Variants in ATXN7L1 observed in about 807,000 individuals in gnomAD.
ATXN7L1 encodes the protein ataxin-7-like protein 1.
Under a neutral mutation model 70.8 loss-of-function variants are expected in ATXN7L1, and 15 were observed. The ratio of observed to expected loss-of-function variants is 0.21; its 90% CI spans 0.14 to 0.33. ATXN7L1 has a LOEUF of 0.33. ATXN7L1 is among the 10% of genes least tolerant of loss of function. ATXN7L1 has a pLI of 1.00. For missense variants in ATXN7L1, 975 were observed against 1,097.1 expected (o/e 0.89, Z 1.57); for synonymous variants, 440 against 445.1 (o/e 0.99, Z 0.14).
chr7:105,868,214 G>A (rs1442519175), intron 2 of ATXN7L1, among the ~76,000 whole-genome samples: 1 of 152,156 alleles, frequency 6.6e-6, no homozygotes, highest in East Asian at 1.9e-4. Context: ...ACCTCAGTGA[G>A]GCCCCCCCAC....
intron 3 of ATXN7L1, among the ~76,000 whole-genome samples, chr7:105,688,237 C>T (rs1263081878): frequency 6.6e-6 from 1 of 152,074 alleles, no homozygotes; most frequent in African/African-American, 2.4e-5. Flanking sequence ...TGTACTTCGC[C>T]TAATAAAAAA....
intron 4 of ATXN7L1, among the ~76,000 whole-genome samples, chr7:105,648,035 G>C (rs1381185504): frequency 6.6e-6 from 1 of 152,182 alleles, no homozygotes; most frequent in Non-Finnish European, 1.5e-5. Flanking sequence ...TTGAAGAATG[G>C]GAAGCATTGG....
chr7:105,656,595 T>C (rs561449600), intron 4 of ATXN7L1, among the ~76,000 whole-genome samples: 2 of 149,554 alleles, frequency 1.3e-5, no homozygotes, highest in East Asian at 4.0e-4. Flanking sequence ...TTTTTTGAGA[T>C]AGTCTCGCTC....
intron 3 of ATXN7L1, among the ~76,000 whole-genome samples, chr7:105,682,180 A>G (rs1486158185): frequency 1.3e-5 from 2 of 152,080 alleles, no homozygotes; most frequent in African/African-American, 4.8e-5. Flanking sequence ...AGCCGAGATC[A>G]CTGTACTCCA....
At chr7:105,730,783 G>A (rs1323896059) in intron 3 of ATXN7L1, among the ~76,000 whole-genome samples, 2 of 151,982 alleles carry the variant, frequency 1.3e-5, no homozygotes, top group South Asian at 2.1e-4. Context: ...ACAACTAAAT[G>A]TAAGTTGGTG....
intron 2 of ATXN7L1, among the ~76,000 whole-genome samples, chr7:105,871,013 A>C (rs1410359404): frequency 2.0e-5 from 3 of 151,842 alleles, no homozygotes; most frequent in Non-Finnish European, 4.4e-5. Context: ...GCCACCAAGA[A>C]GTTATAAATT....
chr7:105,687,025 C>T lies in ATXN7L1; in HGVS notation c.356-21737G>A, dbSNP rs554796795. Among the ~76,000 whole-genome samples the T allele has an allele frequency of 9.2e-5, 14 of 152,292 alleles. No individual in the cohort carries two copies. In the South Asian group the frequency reaches 1.2e-3, roughly 14 times the overall value. ...ACCTACCCCTAATAAGAGTCTCTCTCGAGACAGGTGAGCTGCCACAGTCAC... is the reference window on the plus strand; with the variant it reads ...ACCTACCCCTAATAAGAGTCTCTCTTGAGACAGGTGAGCTGCCACAGTCAC... On this transcript the variant is annotated intron_variant, in intron 3 of 11. Transcript: ENST00000419735.
chr7:105,875,631 C>CCCT (rs1554490227), intron 2 of ATXN7L1, among the ~76,000 whole-genome samples, 181 bp downstream of exon 2: 1 of 121,050 alleles, frequency 8.3e-6, no homozygotes. Flanking sequence ...CCCTTTACCC[C>CCCT]CCCCCCAGTT....
chr7:105,858,706 C>CCTGAGTGATT (rs1816100307), intron 2 of ATXN7L1, among the ~76,000 whole-genome samples: 1 of 152,112 alleles, frequency 6.6e-6, no homozygotes, highest in African/African-American at 2.4e-5. Flanking sequence ...CTCAGAATCA[C>CCTGAGTGATT]CTGGGACACA....
chr7:105,617,976 G>A (rs1477550304), intron 9 of ATXN7L1: 4 of 456,772 alleles, frequency 8.8e-6, no homozygotes, highest in Admixed American at 7.0e-5. Flanking sequence ...GGGTAGCGGG[G>A]TGCTACGCTC....
chr7:105,822,908 T>C (rs1302715815), intron 2 of ATXN7L1, among the ~76,000 whole-genome samples: 1 of 152,230 alleles, frequency 6.6e-6, no homozygotes. Context: ...TTTTGTTTCA[T>C]AGTATCACTA....
chr7:105,694,950 G>A (rs1007603361), intron 3 of ATXN7L1, among the ~76,000 whole-genome samples: 2 of 152,192 alleles, frequency 1.3e-5, no homozygotes, highest in African/African-American at 2.4e-5. Flanking sequence ...TCAGGAGTTC[G>A]AAACCAGCCC....
rs1019073328 is a variant in ATXN7L1, at chr7:105,620,285, A to G, written c.1432T>C (p.Tyr478His). ...SFGSRLMGRG[Y>H]YVFDRRWDRF... is the part of the protein sequence containing the mutation. The stretch of plus-strand genomic sequence containing the variant: ...TCCCATCTTCTATCAAACACATAGT[A>G]CCCTCGTCCCATGAGGCGACTCCCA... Residue 478 changes from tyrosine (Y) to histidine (H), a missense_variant, in exon 9 of 12, where the codon TAC (tyrosine) becomes CAC (histidine). By Grantham distance (83) the Tyr-to-His change is moderately conservative. Transcript: ENST00000419735. The G allele has an allele frequency of 1.5e-5, 23 of 1,551,154 alleles. No individual in the cohort carries two copies. In the African/African-American group the frequency reaches 1.9e-4, roughly 13 times the overall value.
rs150182467 is a variant in ATXN7L1, at chr7:105,614,354, AGAGGAGGAGGAG to A, written c.1968_1979del (p.Ser658_Ser661del). On this transcript the variant is annotated inframe_deletion, in exon 10 of 12. Coordinates refer to ENST00000419735, the MANE Select transcript of ATXN7L1 (RefSeq NM_020725.2). The surrounding 1 kb of genome is among the most constrained non-coding windows in gnomAD (Gnocchi z 4.3). ...GAGACGAGAGGGATGTCTGCAAGGA[AGAGGAGGAGGAG>A]GAGGAGGAGGAGGAAGTCGAAGACT... 12 of 1,550,220 alleles carry A rather than the reference AGAGGAGGAGGAG, an allele frequency of 7.7e-6. No homozygotes were observed. The highest frequency in any genetic ancestry group is 2.7e-5 in the African/African-American group (2 of 72,902).
intron 9 of ATXN7L1, chr7:105,618,097 C>A (rs779309425): frequency 2.2e-6 from 1 of 456,304 alleles, no homozygotes; most frequent in Non-Finnish European, 4.4e-6. Context: ...GGTTTCTGTG[C>A]CTGAGGAGGA....
intron 2 of ATXN7L1, among the ~76,000 whole-genome samples, chr7:105,860,162 T>TATATAC (rs1816393674): frequency 7.4e-6 from 1 of 135,812 alleles, no homozygotes; most frequent in Non-Finnish European, 1.6e-5. Flanking sequence ...TATATATATA[T>TATATAC]ATATATGAAA....
intron 9 of ATXN7L1, among the ~76,000 whole-genome samples, chr7:105,619,390 C>T (rs1244750614): frequency 2.1e-5 from 3 of 145,144 alleles, no homozygotes; most frequent in African/African-American, 7.6e-5. Context: ...CTCAGTTGAT[C>T]CGCTCGCCTC....
chr7:105,664,996 A>C, intron 4 of ATXN7L1, 70 bp downstream of exon 4: 1 of 1,415,084 alleles, frequency 7.1e-7, no homozygotes. Context: ...GAGAGTAAAT[A>C]CTATTTCCCC....
chr7:105,792,973 A>T (rs1353227202), intron 2 of ATXN7L1, among the ~76,000 whole-genome samples: 1 of 152,256 alleles, frequency 6.6e-6, no homozygotes, highest in East Asian at 1.9e-4. Context: ...AATTGTCAAC[A>T]TCTCCACTTT....
Sources: gnomAD v4.1 joint callset for allele counts (sites outside exome capture counted in the v4.1 genomes callset) on GRCh38, gnomAD v4.1.1 for gene constraint, Gnocchi (gnomAD v3.1) non-coding constraint, MANE v1.5 for transcripts, NCBI Gene and HGNC (gene_info 2026-07-23, HGNC 2026-07-21) for gene names.